The following OSBPL10 variants were observed in gnomAD, a reference collection of about 807,000 sequenced individuals.
The protein encoded by OSBPL10 is oxysterol binding protein like 10, also known as oxysterol-binding protein-related protein 10.
In OSBPL10, 49 loss-of-function variants were observed where a neutral mutation model predicts 81.7. The observed-to-expected ratio is 0.60, with a 90% CI of 0.48 to 0.76. The LOEUF is 0.76. Among genes scored for constraint, OSBPL10 ranks in the 30% least tolerant of loss-of-function variants. The pLI, the probability that OSBPL10 is intolerant of heterozygous loss-of-function variation, is 0.00. For missense variants in OSBPL10, 923 were observed against 987.8 expected (o/e 0.93, Z 0.88); for synonymous variants, 419 against 383.6 (o/e 1.09, Z -1.08).
chr3:31,899,947 T>C (rs1696183115), intron 1 of OSBPL10, among the ~76,000 whole-genome samples: 1 of 152,172 alleles, frequency 6.6e-6, no homozygotes, highest in South Asian at 2.1e-4. Flanking sequence ...GTTTTTACTT[T>C]TATGAAACCA....
intron 1 of OSBPL10, among the ~76,000 whole-genome samples, chr3:31,965,806 T>TAA (rs1698364213): frequency 1.6e-5 from 1 of 63,214 alleles, no homozygotes. Flanking sequence ...TATTATCTAT[T>TAA]TATATAATAT....
chr3:31,986,735 G>T (rs1009657604), intron 2 of OSBPL10, among the ~76,000 whole-genome samples: 1 of 152,038 alleles, frequency 6.6e-6, no homozygotes, highest in Non-Finnish European at 1.5e-5. Context: ...TGAAGACCAG[G>T]TGCAGTAGCT....
At chr3:31,665,425 C>T (rs908483031) in intron 10 of OSBPL10, among the ~76,000 whole-genome samples, 2 of 152,126 alleles carry the variant, frequency 1.3e-5, no homozygotes, top group Non-Finnish European at 2.9e-5. Flanking sequence ...ATATCTACAG[C>T]GGGTGTCCTT....
intron 1 of OSBPL10, among the ~76,000 whole-genome samples, chr3:31,968,269 AT>A (rs919620742): frequency 3.3e-5 from 5 of 150,488 alleles, no homozygotes; most frequent in African/African-American, 1.2e-4. Flanking sequence ...AGAAAAAAAA[AT>A]CGGATCACAA....
chr3:32,006,048 A>G (rs544147481), intron 2 of OSBPL10, among the ~76,000 whole-genome samples: 3 of 151,926 alleles, frequency 2.0e-5, no homozygotes, highest in African/African-American at 7.2e-5. Flanking sequence ...AGGTTCTAGC[A>G]ATTCTCCCAC....
At position 31,688,283 on chromosome 3, in the gene OSBPL10, TCA is replaced by T. The variant is rs55643097; in HGVS notation, c.1246-4171_1246-4170del. 8.9e-3 allele frequency among the ~76,000 whole-genome samples: 1,032 copies of T among 115,462 alleles called. 11 individuals carry two copies. The highest frequency in any genetic ancestry group is 0.026 in the African/African-American group (779 of 30,218). The allele number at this position is 115,462 out of a possible 152,430, so 75.7% of individuals were successfully genotyped here. A position where few individuals can be genotyped will look rare whatever the true frequency, so the allele number is the denominator to read the frequency against. ...CTGCACAAATCTCTCTCTCTCTCTCTCACACACACACACACACACACACACAC... is the reference window on the plus strand; with the variant it reads ...CTGCACAAATCTCTCTCTCTCTCTCTCACACACACACACACACACACACAC... On this transcript the variant is annotated intron_variant, in intron 7 of 11. Coordinates refer to ENST00000396556, the MANE Select transcript of OSBPL10 (RefSeq NM_017784.5).
At chr3:31,902,789 C>A (rs1304167537) in intron 1 of OSBPL10, among the ~76,000 whole-genome samples, 1 of 152,154 alleles carries the variant, frequency 6.6e-6, no homozygotes. Context: ...TGGTCTCGAT[C>A]TCCTGACCTC....
At position 31,684,074 on chromosome 3, in the gene OSBPL10, A is replaced by C; in HGVS notation, c.1286T>G (p.Leu429Arg). The stretch of plus-strand genomic sequence containing the variant: ...CGCCATGAAATCTGCATACATCTCC[A>C]GCAAAGATCGCTTCTCCAGGATAAA... ...PTFILEKRSL[L>R]EMYADFMAHP... The change falls in exon 8 of 12, where the codon CTG becomes CGG. Residue 429 changes from leucine to arginine, a missense_variant. Leu to Arg is a moderately radical substitution (Grantham distance 102, BLOSUM62 -2). Around this residue, in one of 3 missense-constraint regions of OSBPL10, gnomAD observed 22 missense variants for 43.4 expected, o/e 0.51. Transcript: ENST00000396556. 6.2e-7 allele frequency: 1 copy of C among 1,614,172 alleles called. No homozygotes were observed. Among genetic ancestry groups the C allele is most frequent in the Non-Finnish European group, 8.5e-7 (1 of 1,179,980 alleles).
chr3:31,987,622 A>G (rs1698951809), intron 2 of OSBPL10, among the ~76,000 whole-genome samples: 1 of 152,152 alleles, frequency 6.6e-6, no homozygotes, highest in Non-Finnish European at 1.5e-5. Context: ...GGGCTCTCTA[A>G]TCCACAGGGT....
chr3:31,917,948 A>C (rs981458333), intron 1 of OSBPL10, among the ~76,000 whole-genome samples: 1 of 152,024 alleles, frequency 6.6e-6, no homozygotes, highest in African/African-American at 2.4e-5. Context: ...AATAACTTTA[A>C]TTTGTTAAAT....
At chr3:31,908,066 C>T (rs1157503007) in intron 1 of OSBPL10, among the ~76,000 whole-genome samples, 7 of 151,836 alleles carry the variant, frequency 4.6e-5, no homozygotes, top group Admixed American at 3.9e-4. Context: ...AGCATGGTGG[C>T]GGTAAAAATA....
At chr3:31,865,881 T>G (rs1456233657) in intron 3 of OSBPL10, among the ~76,000 whole-genome samples, 1 of 152,222 alleles carries the variant, frequency 6.6e-6, no homozygotes. Context: ...TTATTTAGTA[T>G]AAGCGTAAAC....
chr3:31,713,422 A>T (rs1559429159), intron 6 of OSBPL10, among the ~76,000 whole-genome samples: 2 of 151,976 alleles, frequency 1.3e-5, no homozygotes, highest in Non-Finnish European at 2.9e-5. Context: ...TTTGTGACAG[A>T]GTCTCACTCT....
At chr3:31,754,285 C>T (rs1279009008) in intron 4 of OSBPL10, among the ~76,000 whole-genome samples, 1 of 152,130 alleles carries the variant, frequency 6.6e-6, no homozygotes, top group African/African-American at 2.4e-5. Context: ...ATCTGTTAAG[C>T]CTGTTTTAGT....
chr3:31,826,710 C>A (rs981391856), intron 4 of OSBPL10, among the ~76,000 whole-genome samples: 27 of 152,158 alleles, frequency 1.8e-4, no homozygotes, highest in Non-Finnish European at 8.8e-5. Context: ...AACCTTAAAG[C>A]AGTGGCCTTT....
chr3:31,821,444 C>A (rs1308506463), intron 4 of OSBPL10, among the ~76,000 whole-genome samples: 1 of 152,118 alleles, frequency 6.6e-6, no homozygotes, highest in Non-Finnish European at 1.5e-5. Flanking sequence ...GCCCCTTTTA[C>A]CTTCTAAAGT....
At chr3:31,847,211 T>TA (rs369782801) in intron 3 of OSBPL10, among the ~76,000 whole-genome samples, 50 of 148,742 alleles carry the variant, frequency 3.4e-4, no homozygotes, top group Middle Eastern at 6.8e-3. Flanking sequence ...TTTTTTTTTT[T>TA]AAAAAGACAG....
At chr3:31,961,920 T>TTTA (rs35707470) in intron 1 of OSBPL10, among the ~76,000 whole-genome samples, 103 of 149,744 alleles carry the variant, frequency 6.9e-4, no homozygotes, top group South Asian at 1.7e-3. Context: ...TTTTTTTTTT[T>TTTA]AAGAGTTTTT....
intron 2 of OSBPL10, among the ~76,000 whole-genome samples, chr3:32,021,973 T>G: frequency 1.3e-5 from 1 of 75,324 alleles, no homozygotes; most frequent in South Asian, 6.6e-4. Flanking sequence ...GGAGATAATC[T>G]GTCTCGAAAA....
Sources: allele counts gnomAD v4.1 joint callset (sites outside exome capture counted in the v4.1 genomes callset), GRCh38; gene constraint gnomAD v4.1.1; regional missense constraint gnomAD v4.1.1; transcripts MANE v1.5; gene names NCBI Gene and HGNC (gene_info 2026-07-23, HGNC 2026-07-21).